Variants in TSPAN14 observed in about 807,000 individuals in gnomAD.
TSPAN14 encodes the protein tetraspanin 14.
TSPAN14 carries 16 observed loss-of-function variants against 36.6 expected under a neutral mutation model. That is an observed-to-expected ratio of 0.44 (90% CI 0.30 to 0.66). TSPAN14 has a LOEUF of 0.66. Ranked by LOEUF, TSPAN14 falls within the 30% of genes least tolerant of loss-of-function variation. The pLI, the probability that TSPAN14 is intolerant of heterozygous loss-of-function variation, is 0.12. For synonymous variants in TSPAN14, 139 were observed against 143.8 expected, an observed-to-expected ratio of 0.97 and a Z score of 0.24; for missense variants, 231 against 355.1, an observed-to-expected ratio of 0.65 and a Z score of 2.81.
intron 1 of TSPAN14, among the ~76,000 whole-genome samples, chr10:80,480,951 T>G (rs1032835195): frequency 6.6e-6 from 1 of 151,734 alleles, no homozygotes; most frequent in Non-Finnish European, 1.5e-5. Flanking sequence ...TAAAAGAATA[T>G]AAAAATTAGC....
At chr10:80,497,383 C>T (rs1195464537) in intron 2 of TSPAN14, among the ~76,000 whole-genome samples, 5 of 152,280 alleles carry the variant, frequency 3.3e-5, no homozygotes, top group Non-Finnish European at 5.9e-5. Context: ...CCTGGCCTTC[C>T]GCCTGTTTTT....
intron 1 of TSPAN14, chr10:80,485,611 C>G (rs955442576): frequency 1.0e-6 from 1 of 985,266 alleles, no homozygotes; most frequent in Non-Finnish European, 1.2e-6. Flanking sequence ...TCAGCTTAAA[C>G]TATGTGGAGA....
chr10:80,484,674 A>C (rs1013838681), intron 1 of TSPAN14, among the ~76,000 whole-genome samples: 3 of 152,052 alleles, frequency 2.0e-5, no homozygotes, highest in African/African-American at 7.2e-5. Flanking sequence ...CTGTGTCATA[A>C]TTTTTTCAGC....
At chr10:80,510,103 T>A (rs531321119) in intron 5 of TSPAN14, among the ~76,000 whole-genome samples, 1 of 152,340 alleles carries the variant, frequency 6.6e-6, no homozygotes, top group East Asian at 1.9e-4. Context: ...GCTTGGACCA[T>A]AGCTGTCACA....
chr10:80,505,292 A>G (rs370915175), intron 3 of TSPAN14, among the ~76,000 whole-genome samples: 5 of 152,118 alleles, frequency 3.3e-5, no homozygotes, highest in African/African-American at 1.2e-4. Context: ...CCTGGCTCCT[A>G]CTGTCGGGAA....
chr10:80,516,569 G>A (rs1840953178), intron 8 of TSPAN14, among the ~76,000 whole-genome samples: 1 of 152,214 alleles, frequency 6.6e-6, no homozygotes, highest in Non-Finnish European at 1.5e-5. Context: ...GGCTGGGAGG[G>A]GCTTGTGGCC....
chr10:80,462,037 C>T (rs1214034243), intron 1 of TSPAN14, among the ~76,000 whole-genome samples: 1 of 152,048 alleles, frequency 6.6e-6, no homozygotes, highest in Non-Finnish European at 1.5e-5. Flanking sequence ...CCTCAGCCTC[C>T]TGAGTAGCAG....
exon 4 of TSPAN14, chr10:80,507,362 C>G: frequency 6.2e-7 from 1 of 1,614,182 alleles, no homozygotes; most frequent in Non-Finnish European, 8.5e-7. Flanking sequence ...AGAATATCTG[C>G]TTGCTCAACT....
intron 3 of TSPAN14, 51 bp from the exon 4 acceptor site, chr10:80,507,177 C>G (rs1840347448): frequency 1.9e-6 from 3 of 1,610,754 alleles, no homozygotes; most frequent in African/African-American, 1.3e-5. Flanking sequence ...GGGCAGCATC[C>G]TTGACTCCCC....
intron 1 of TSPAN14, among the ~76,000 whole-genome samples, chr10:80,472,458 T>G (rs1303968788): frequency 6.6e-6 from 1 of 152,218 alleles, no homozygotes; most frequent in African/African-American, 2.4e-5. Context: ...GTTTCTCCCC[T>G]CTAAGTTACT....
intron 3 of TSPAN14, among the ~76,000 whole-genome samples, chr10:80,506,218 C>CCT (rs1186894964): frequency 6.6e-6 from 1 of 152,192 alleles, no homozygotes; most frequent in African/African-American, 2.4e-5. Context: ...AGTGATCTGC[C>CCT]CTCCTCGGCC....
exon 9 of TSPAN14, chr10:80,518,474 G>A (rs922987564): frequency 1.1e-4 from 19 of 172,226 alleles, no homozygotes; most frequent in Non-Finnish European, 2.0e-4. Context: ...GGAGGCGGAC[G>A]TGGCCCCGCT....
chr10:80,503,409 G>T (rs1292746504), intron 2 of TSPAN14, among the ~76,000 whole-genome samples: 3 of 152,254 alleles, frequency 2.0e-5, no homozygotes, highest in South Asian at 2.1e-4. Flanking sequence ...TGAGTGAGGA[G>T]TGAATGAATG....
chr10:80,494,542 G>A (rs1256059028), intron 2 of TSPAN14, among the ~76,000 whole-genome samples: 1 of 152,164 alleles, frequency 6.6e-6, no homozygotes, highest in Non-Finnish European at 1.5e-5. Flanking sequence ...TGCAGGTGGG[G>A]TCTTATTCTC....
chr10:80,521,670 A>G (rs1841270905), exon 9 of TSPAN14: 1 of 152,106 alleles, frequency 6.6e-6, no homozygotes, highest in Admixed American at 6.6e-5. Context: ...GCTCCTTATC[A>G]AGTTGGCAAG....
At chr10:80,456,517 C>G (rs920169670) in intron 1 of TSPAN14, among the ~76,000 whole-genome samples, 2 of 152,156 alleles carry the variant, frequency 1.3e-5, no homozygotes, top group Non-Finnish European at 1.5e-5. Flanking sequence ...CAGGAAAGCC[C>G]TGGGTTCTGG....
At chr10:80,459,081 C>A (rs1845858163) in intron 1 of TSPAN14, among the ~76,000 whole-genome samples, 1 of 152,030 alleles carries the variant, frequency 6.6e-6, no homozygotes, top group Non-Finnish European at 1.5e-5. Flanking sequence ...AGCATTAGTA[C>A]CCTGAGAAGC....
chr10:80,474,937 A>G (rs1208983764), intron 1 of TSPAN14, among the ~76,000 whole-genome samples: 2 of 152,158 alleles, frequency 1.3e-5, no homozygotes, highest in Non-Finnish European at 2.9e-5. Flanking sequence ...TCTTAGTGAA[A>G]TGCAGATTGA....
At chr10:80,508,090 A>T (rs1307005867) in intron 4 of TSPAN14, among the ~76,000 whole-genome samples, 1 of 149,388 alleles carries the variant, frequency 6.7e-6, no homozygotes, top group Non-Finnish European at 1.5e-5. Flanking sequence ...CCTTGTGTGC[A>T]TATGTGTGTT....
Sources: allele counts gnomAD v4.1 joint callset (sites outside exome capture counted in the v4.1 genomes callset), GRCh38; gene constraint gnomAD v4.1.1; transcripts MANE v1.5; gene names NCBI Gene and HGNC (gene_info 2026-07-23, HGNC 2026-07-21).